CHRNA10: variants seen among roughly 807,000 people sequenced by gnomAD.
CHRNA10 encodes neuronal acetylcholine receptor subunit alpha-10.
A neutral mutation model predicts 36.0 loss-of-function variants in CHRNA10; 31 were observed. The ratio of observed to expected loss-of-function variants is 0.86; its 90% confidence interval spans 0.65 to 1.16. The LOEUF (loss-of-function observed/expected upper bound fraction) is 1.16, where lower values mean the gene tolerates loss of function less well. Among genes scored for constraint, CHRNA10 ranks in the 50% most tolerant of loss-of-function variants. The probability of loss-of-function intolerance (pLI) is 0.00; values close to 1 mark genes in which losing one functional copy is unlikely to be tolerated. For synonymous variants in CHRNA10, 302 were observed against 287.0 expected, an observed-to-expected ratio of 1.05 and a Z score of -0.53; for missense variants, 648 against 640.9, an observed-to-expected ratio of 1.01 and a Z score of -0.12.
Position 3,667,362 on chromosome 11 carries a change from C to T in CHRNA10, c.765G>A (p.Pro255=), listed in dbSNP as rs747774482. The T allele has an allele frequency of 1.6e-5, 25 of 1,600,910 alleles. No homozygotes were observed. The highest frequency in any genetic ancestry group is 2.7e-5 in the African/African-American group (2 of 74,854). Residue 255 remains proline (P), a synonymous_variant, in exon 4 of 5, where the codon CCG becomes CCA. Coordinates refer to ENST00000250699, the MANE Select transcript of CHRNA10 (RefSeq NM_020402.4). ...LPCVLISLLA[P]LAFHLPADSG... ...AGTCGGCAGGCAGGTGGAAGGCGAG[C>T]GGCGCAAGCAGCGAGATGAGCACGC...
At chr11:3,669,741 T>C in intron 2 of CHRNA10, 55 bp downstream of exon 2, 1 of 1,603,718 alleles carries the variant, frequency 6.2e-7, no homozygotes, top group Non-Finnish European at 8.5e-7. Context: ...CACCCCTTCA[T>C]TTCTTGACAC....
rs2077681772 is a variant in CHRNA10 at position 3,667,931 on chromosome 11, GC to G, written c.363-168del. 2.0e-5 allele frequency among the ~76,000 whole-genome samples: 3 copies of G among 152,336 alleles called. No homozygotes were observed. In the South Asian group the frequency reaches 6.2e-4, roughly 32 times the overall value. ...CACTCACGACGCAGGGGAGCACCTG[GC>G]CCCAGCGTCTGCTGGCCTGATGGCA... On this transcript the variant is annotated intron_variant, in intron 3 of 4. Coordinates refer to ENST00000250699, the MANE Select transcript of CHRNA10 (RefSeq NM_020402.4).
chr11:3,668,242 G>A (rs917512333), intron 3 of CHRNA10, among the ~76,000 whole-genome samples: 7 of 152,150 alleles, frequency 4.6e-5, no homozygotes, highest in Non-Finnish European at 7.3e-5. Flanking sequence ...GGCTGGGTGC[G>A]GTGGCTCACG....
At position 3,666,463 on chromosome 11, in the gene CHRNA10, G is replaced by A; in HGVS notation, c.997C>T (p.Pro333Ser). Reference sequence around the variant, plus strand: ...AGCAGGAGGGCCCTAGCCCAGGCTGGCACTGGGCGGACACTGGGACCACAG... The same window carrying A: ...AGCAGGAGGGCCCTAGCCCAGGCTGACACTGGGCGGACACTGGGACCACAG... Reference protein sequence around the residue: ...HYCGPSVRPVPAWARALLLGH... With the variant: ...HYCGPSVRPVSAWARALLLGH... The change falls in exon 5 of 5, where the codon CCA becomes TCA. Residue 333 changes from proline to serine, a missense_variant. Pro to Ser is a moderately conservative substitution (Grantham distance 74). Transcript: ENST00000250699. 2 of 1,613,376 alleles carry A rather than the reference G, an allele frequency of 1.2e-6. No homozygotes were observed. Among genetic ancestry groups the A allele is most frequent in the Admixed American group, 1.7e-5 (1 of 59,922 alleles).
At chr11:3,669,063 G>A in intron 3 of CHRNA10, 133 bp downstream of exon 3, 2 of 992,612 alleles carry the variant, frequency 2.0e-6, no homozygotes, top group African/African-American at 1.6e-5. Flanking sequence ...AGCTTAGAAG[G>A]GTCCTGGGGA....
chr11:3,667,538 C>G lies in CHRNA10; in HGVS notation c.589G>C (p.Val197Leu), dbSNP rs763825468. The G allele has an allele frequency of 4.4e-5, 70 of 1,584,570 alleles. No homozygotes were observed. The highest frequency in any genetic ancestry group is 2.1e-4 in the South Asian group (19 of 89,588). The part of the protein sequence containing the change: ...RGAAASLADF[V>L]ENVEWRVLGM... ...AGCACGCGCCACTCCACGTTCTCCA[C>G]GAAGTCCGCCAGGCTGGCTGCAGCG... The change falls in exon 4 of 5, where the codon GTG becomes CTG. Residue 197 changes from valine to leucine, a missense_variant. Physicochemically the swap from Val to Leu is conservative, Grantham distance 32. Transcript: ENST00000250699.
rs1354398835 is a variant in CHRNA10 at position 3,669,782 on chromosome 11, C to T, written c.207+14G>A. 6.2e-7 allele frequency: 1 copy of T among 1,614,174 alleles called. No individual in the cohort carries two copies. The highest frequency in any genetic ancestry group is 8.5e-7 in the Non-Finnish European group (1 of 1,179,990). Reference sequence around the variant, plus strand: ...CAGGTAAGACTCCACAGCTGTACCACCACCACAACGCACCATGTCGATGAT... The same window carrying T: ...CAGGTAAGACTCCACAGCTGTACCATCACCACAACGCACCATGTCGATGAT... On this transcript the variant is annotated intron_variant, in intron 2 of 4. Transcript: ENST00000250699.
rs1190704236 is a variant in CHRNA10 at position 3,666,327 on chromosome 11, G to A, written c.1133C>T (p.Pro378Leu). Reference sequence around the variant, plus strand: ...TGGCTCGTGGCAAGGGCCCGCTGGGGGGCCAGCCCCTCCTTCAGGCGACTG... The same window carrying A: ...TGGCTCGTGGCAAGGGCCCGCTGGGAGGCCAGCCCCTCCTTCAGGCGACTG... ...SPQSPEGGAG[P>L]PAGPCHEPRC... Residue 378 changes from proline to leucine, a missense_variant, in exon 5 of 5, where the codon CCC (proline) becomes CTC (leucine). Transcript: ENST00000250699. 1.2e-6 allele frequency: 2 copies of A among 1,613,372 alleles called. No individual in the cohort carries two copies. The highest frequency in any genetic ancestry group is 1.7e-6 in the Non-Finnish European group (2 of 1,179,830).
At position 3,670,035 on chromosome 11, in the gene CHRNA10, A is replaced by G. The variant is rs974498281; in HGVS notation, c.62-94T>C. 1.4e-4 allele frequency: 196 copies of G among 1,378,756 alleles called. 1 individual carries two copies. The highest frequency in any genetic ancestry group is 1.9e-4 in the Non-Finnish European group (191 of 982,852). The allele number at this position is 1,378,756 out of a possible 1,614,324, so 85.4% of individuals were successfully genotyped here. On this transcript the variant is annotated intron_variant, in intron 1 of 4. Transcript: ENST00000250699. ...CTCCCAGGGCTGGGGCCCTGTCCTT[A>G]TGAGTGTCCTCCTGGTGTCTGCCTT...
At position 3,667,758 on chromosome 11, in the gene CHRNA10, G is replaced by A. The variant is rs1041791731; in HGVS notation, c.369C>T (p.Asp123=). ...TGCTGGCGGAACCTGGAGGCTGCGC[G>A]TCGGCTCTGGGGGCAGGCGGGGCAG... is the stretch of plus-strand genomic sequence containing the variant. ...RPDIVLYNKA[D]AQPPGSASTN... Residue 123 remains aspartate, a synonymous_variant, in exon 4 of 5, where the codon GAC becomes GAT. Transcript: ENST00000250699. 4 of 1,533,546 alleles carry A rather than the reference G, an allele frequency of 2.6e-6. No individual in the cohort carries two copies. Among genetic ancestry groups the A allele is most frequent in the African/African-American group, 1.4e-5 (1 of 71,276 alleles). The allele number at this position is 1,533,546 out of a possible 1,614,324, so 95.0% of individuals were successfully genotyped here.
rs114246917 is a variant in CHRNA10, at chr11:3,668,896, G to T, written c.362+300C>A. On this transcript the variant is annotated intron_variant, in intron 3 of 4. Transcript: ENST00000250699. The stretch of plus-strand genomic sequence containing the variant: ...GACCCTTACACAGGCTCTTCGGGGA[G>T]CCCTGAGAGACTTAGAGCTAAAAGT... The T allele has an allele frequency of 1.2e-3, 316 of 272,876 alleles. 1 individual carries two copies. Among genetic ancestry groups the T allele is most frequent in the African/African-American group, 6.3e-3 (289 of 45,630 alleles). 16.9% of individuals were successfully genotyped at this position (272,876 alleles called of 1,614,324 possible).
In CHRNA10 at chr11:3,665,823, C is replaced by A; in HGVS notation, c.*284G>T. On this transcript the variant is annotated 3_prime_UTR_variant, in exon 5 of 5. Transcript: ENST00000250699. ...GCTCCCCACTGAGAGCTCCAATACC[C>A]AGCACAAACAATTCTGTCCCTCCAA... is the stretch of plus-strand genomic sequence containing the variant. 2.8e-6 allele frequency: 1 copy of A among 351,336 alleles called. No individual in the cohort carries two copies. Among genetic ancestry groups the A allele is most frequent in the Non-Finnish European group, 5.1e-6 (1 of 194,438 alleles). The allele number at this position is 351,336 out of a possible 1,614,324, so 21.8% of individuals were successfully genotyped here.
intron 3 of CHRNA10, among the ~76,000 whole-genome samples, chr11:3,668,276 G>A (rs1336670543): frequency 6.6e-6 from 1 of 152,162 alleles, no homozygotes; most frequent in Non-Finnish European, 1.5e-5. Context: ...CACTTTGGGA[G>A]GCCGAGGTGG....
Position 3,666,480 on chromosome 11 carries a change from G to C in CHRNA10, c.980C>G (p.Pro327Arg). 2 of 1,611,906 alleles carry C rather than the reference G, an allele frequency of 1.2e-6. No individual in the cohort carries two copies. The highest frequency in any genetic ancestry group is 1.7e-6 in the Non-Finnish European group (2 of 1,178,872). The part of the protein sequence containing the change: ...ILIMNLHYCG[P>R]SVRPVPAWAR... Reference sequence around the variant, plus strand: ...CCAGGCTGGCACTGGGCGGACACTGGGACCACAGTAATGCAGGTTCATGAT... The same window carrying C: ...CCAGGCTGGCACTGGGCGGACACTGCGACCACAGTAATGCAGGTTCATGAT... The change falls in exon 5 of 5, where the codon CCC becomes CGC. Residue 327 changes from proline to arginine, a missense_variant. By Grantham distance (103) the Pro-to-Arg change is moderately radical (BLOSUM62 -2). Coordinates refer to ENST00000250699, the MANE Select transcript of CHRNA10 (RefSeq NM_020402.4).
intron 1 of CHRNA10, among the ~76,000 whole-genome samples, chr11:3,670,370 G>C (rs1378556263): frequency 6.6e-6 from 1 of 152,088 alleles, no homozygotes; most frequent in Non-Finnish European, 1.5e-5. Context: ...TGATGCGATG[G>C]AACACTCCCT....
intron 3 of CHRNA10, 102 bp downstream of exon 3, chr11:3,669,094 G>A: frequency 1.5e-6 from 2 of 1,341,008 alleles, no homozygotes; most frequent in Non-Finnish European, 1.0e-6. Context: ...GGGCAGCGTG[G>A]CAACCAGGTT....
chr11:3,669,724 A>T (rs750347270), intron 2 of CHRNA10, 72 bp downstream of exon 2: 3 of 1,548,294 alleles, frequency 1.9e-6, no homozygotes, highest in Non-Finnish European at 2.7e-6. Context: ...GAATAATCCC[A>T]GTCTCTCACC....
chr11:3,667,236 G>T lies in CHRNA10; in HGVS notation c.891C>A (p.Leu297=). The stretch of plus-strand genomic sequence containing the variant: ...CCCCGCGCCCCCGCTGCTCACCGAT[G>T]AGCGGCACGCTCTCGGCCGGTGGCA... ...ESMPPAESVP[L]IGKYYMATMT... The change falls in exon 4 of 5, where the codon CTC becomes CTA. Residue 297 remains leucine (L), a synonymous_variant. Coordinates refer to ENST00000250699, the MANE Select transcript of CHRNA10 (RefSeq NM_020402.4). The T allele has an allele frequency of 6.3e-7, 1 of 1,580,620 alleles. No homozygotes were observed. The highest frequency in any genetic ancestry group is 2.3e-5 in the East Asian group (1 of 44,006).
chr11:3,669,533 G>A (rs2077696741), intron 2 of CHRNA10, among the ~76,000 whole-genome samples, 183 bp from the exon 3 acceptor site: 1 of 96,726 alleles, frequency 1.0e-5, no homozygotes, highest in South Asian at 3.9e-4. Flanking sequence ...TTCTGCCCCT[G>A]TTTCCTCAGC....
Sources: gnomAD v4.1 joint callset for allele counts (sites outside exome capture counted in the v4.1 genomes callset) on GRCh38, gnomAD v4.1.1 for gene constraint, MANE v1.5 for transcripts, NCBI Gene and HGNC (gene_info 2026-07-23, HGNC 2026-07-21) for gene names.